Variants in BTRC observed in about 807,000 individuals in gnomAD.
BTRC encodes the protein beta-transducin repeat containing E3 ubiquitin protein ligase.
In BTRC, 42 loss-of-function variants were observed where a neutral mutation model predicts 85.5. The observed-to-expected ratio is 0.49, with a 90% CI of 0.38 to 0.64. The LOEUF (loss-of-function observed/expected upper bound fraction) is 0.64. Among genes scored for constraint, BTRC ranks in the 30% least tolerant of loss-of-function variants. The probability of loss-of-function intolerance (pLI) is 0.00; values close to 1 mark genes in which losing one functional copy is unlikely to be tolerated. For missense variants in BTRC, 594 were observed against 743.5 expected, an observed-to-expected ratio of 0.80 and a Z score of 2.34; for synonymous variants, 255 against 263.3, an observed-to-expected ratio of 0.97 and a Z score of 0.30.
intron 1 of BTRC, among the ~76,000 whole-genome samples, chr10:101,413,900 T>C (rs1943852133): frequency 6.6e-6 from 1 of 152,182 alleles, no homozygotes; most frequent in Non-Finnish European, 1.5e-5. Flanking sequence ...TCTGTTTTGT[T>C]GAATATCTTA....
intron 9 of BTRC, 143 bp from the exon 10 acceptor site, chr10:101,534,518 G>A (rs1279824488): frequency 9.3e-7 from 1 of 1,080,366 alleles, no homozygotes; most frequent in Non-Finnish European, 1.4e-6. Context: ...AGGACACACT[G>A]GCAGCATCCC....
intron 5 of BTRC, 135 bp from the exon 6 acceptor site, chr10:101,525,878 G>C: frequency 1.3e-6 from 1 of 768,850 alleles, no homozygotes; most frequent in South Asian, 2.9e-5. Flanking sequence ...GTTTGAAAAA[G>C]AAACTGGACC....
At chr10:101,427,671 G>A (rs116030893) in intron 1 of BTRC, among the ~76,000 whole-genome samples, 2,042 of 151,858 alleles carry the variant, frequency 0.013, 42 homozygotes, top group African/African-American at 0.047. Context: ...TAGGACCACA[G>A]GCATGTGCCA....
intron 2 of BTRC, among the ~76,000 whole-genome samples, chr10:101,445,998 G>A (rs1564777558): frequency 6.6e-6 from 1 of 152,122 alleles, no homozygotes; most frequent in Non-Finnish European, 1.5e-5. Context: ...ACGGAAGATT[G>A]CTTTTTCAAT....
chr10:101,491,773 G>T (rs1412884608), intron 4 of BTRC, among the ~76,000 whole-genome samples: 1 of 152,008 alleles, frequency 6.6e-6, no homozygotes, highest in Non-Finnish European at 1.5e-5. Flanking sequence ...TTTGATTCAT[G>T]CTTCTAGATG....
intron 14 of BTRC, among the ~76,000 whole-genome samples, chr10:101,552,183 T>C (rs920982873): frequency 6.6e-6 from 1 of 151,396 alleles, no homozygotes; most frequent in Non-Finnish European, 1.5e-5. Context: ...TATTTCATTT[T>C]ATTTTATTTT....
chr10:101,368,641 A>G (rs1314264790), intron 1 of BTRC, among the ~76,000 whole-genome samples: 4 of 151,924 alleles, frequency 2.6e-5, no homozygotes, highest in African/African-American at 9.7e-5. Flanking sequence ...CACCACAGTC[A>G]GCCAATGTTT....
chr10:101,480,402 A>C (rs1030709939), intron 4 of BTRC, among the ~76,000 whole-genome samples: 1 of 152,190 alleles, frequency 6.6e-6, no homozygotes, highest in Admixed American at 6.5e-5. Context: ...CTTATAAACA[A>C]AACTAATTTT....
At chr10:101,545,188 T>C (rs908555877) in intron 13 of BTRC, among the ~76,000 whole-genome samples, 2 of 152,154 alleles carry the variant, frequency 1.3e-5, no homozygotes, top group Non-Finnish European at 2.9e-5. Context: ...TTCCTCTGGG[T>C]GCTTTTAAGA....
chr10:101,425,042 A>C (rs1449972233), intron 1 of BTRC, among the ~76,000 whole-genome samples: 1 of 152,164 alleles, frequency 6.6e-6, no homozygotes, highest in African/African-American at 2.4e-5. Flanking sequence ...ATAAGTGAGA[A>C]AATGTGGCAT....
chr10:101,368,464 CTTTTTTTTTTT>C (rs60190021), intron 1 of BTRC, among the ~76,000 whole-genome samples: 32,211 of 75,674 alleles, frequency 0.43, 4,678 homozygotes, highest in Middle Eastern at 0.58. Flanking sequence ...AACTGTTTTT[CTTTTTTTTTTT>C]TTTTTTTTTT....
At chr10:101,423,933 T>C (rs1221787920) in intron 1 of BTRC, among the ~76,000 whole-genome samples, 1 of 152,186 alleles carries the variant, frequency 6.6e-6, no homozygotes, top group Non-Finnish European at 1.5e-5. Context: ...TTGCAGCTTT[T>C]AGAATCCTTA....
intron 13 of BTRC, among the ~76,000 whole-genome samples, chr10:101,540,200 T>C (rs1210469753): frequency 6.6e-6 from 1 of 152,230 alleles, no homozygotes; most frequent in African/African-American, 2.4e-5. Context: ...CTTTGACTAA[T>C]CCAGAGTCAC....
At chr10:101,364,266 G>C (rs770503499) in intron 1 of BTRC, among the ~76,000 whole-genome samples, 9 of 152,156 alleles carry the variant, frequency 5.9e-5, no homozygotes, top group Non-Finnish European at 1.3e-4. Context: ...TAATACAGCA[G>C]ATTTCTTCTC....
chr10:101,511,545 TTTTTG>T (rs555048085), intron 4 of BTRC, among the ~76,000 whole-genome samples: 78 of 147,620 alleles, frequency 5.3e-4, no homozygotes, highest in African/African-American at 1.5e-3. Flanking sequence ...TATTTTGGGT[TTTTTG>T]TTTTGTTTTG....
chr10:101,365,148 A>C (rs7914925), intron 1 of BTRC: 49,770 of 151,390 alleles, frequency 0.33, 10,761 homozygotes, highest in East Asian at 0.67. Context: ...ATCTCGGCTC[A>C]CCGCAACCTC....
At chr10:101,535,621 C>G in intron 11 of BTRC, 149 bp downstream of exon 11, 1 of 502,190 alleles carries the variant, frequency 2.0e-6, no homozygotes, top group Non-Finnish European at 3.3e-6. Context: ...AAGTTTGCCC[C>G]AGGCAGAGAA....
chr10:101,452,289 T>A (rs1944972863), intron 2 of BTRC, among the ~76,000 whole-genome samples: 1 of 152,334 alleles, frequency 6.6e-6, no homozygotes, highest in Middle Eastern at 3.4e-3. Flanking sequence ...TCTTTGCTAC[T>A]GATCCAAATG....
intron 1 of BTRC, among the ~76,000 whole-genome samples, chr10:101,413,757 T>C (rs538175342): frequency 6.6e-6 from 1 of 152,352 alleles, no homozygotes; most frequent in Admixed American, 6.5e-5. Context: ...ATTGTGACCT[T>C]GCTTTGTTTC....
Sources: allele counts gnomAD v4.1 joint callset (sites outside exome capture counted in the v4.1 genomes callset), GRCh38; gene constraint gnomAD v4.1.1; transcripts MANE v1.5; gene names NCBI Gene and HGNC (gene_info 2026-07-23, HGNC 2026-07-21).